The following PANX1 variants were observed in gnomAD, a reference collection of about 807,000 sequenced individuals.
The protein encoded by PANX1 is pannexin-1.
PANX1 carries 30 observed loss-of-function variants against 38.7 expected under a neutral mutation model. That is an observed-to-expected ratio of 0.78 (90% CI 0.58 to 1.05). The LOEUF is 1.05. Ranked by LOEUF, PANX1 falls within the 50% of genes least tolerant of loss-of-function variation. PANX1 has a pLI of 0.00. For synonymous variants in PANX1, 230 were observed against 212.2 expected, an observed-to-expected ratio of 1.08 and a Z score of -0.73; for missense variants, 551 against 517.2, an observed-to-expected ratio of 1.07 and a Z score of -0.63.
At chr11:94,146,806 C>T (rs1342269557) in intron 1 of PANX1, among the ~76,000 whole-genome samples, 9 of 152,182 alleles carry the variant, frequency 5.9e-5, no homozygotes, top group Admixed American at 5.2e-4. Context: ...ATGTGTAGGG[C>T]AGGACTGGAT....
At chr11:94,154,016 C>T (rs1224626024) in intron 2 of PANX1, among the ~76,000 whole-genome samples, 8 of 152,170 alleles carry the variant, frequency 5.3e-5, no homozygotes, top group African/African-American at 1.7e-4. Flanking sequence ...TCAGCTAGCA[C>T]CTTTTCTACC....
chr11:94,150,093 G>A (rs1208673381), intron 1 of PANX1, among the ~76,000 whole-genome samples: 5 of 152,184 alleles, frequency 3.3e-5, no homozygotes, highest in African/African-American at 1.2e-4. Context: ...TGCCTAAGCA[G>A]AGCTTTGAAA....
At chr11:94,141,279 C>T (rs1478947214) in intron 1 of PANX1, among the ~76,000 whole-genome samples, 1 of 152,228 alleles carries the variant, frequency 6.6e-6, no homozygotes, top group East Asian at 1.9e-4. Flanking sequence ...CAACCCCGCC[C>T]TACTTCTTTA....
chr11:94,178,672 G>A, intron 3 of PANX1, 80 bp downstream of exon 3: 1 of 1,106,226 alleles, frequency 9.0e-7, no homozygotes, highest in Non-Finnish European at 1.4e-6. Context: ...TGGGCCCAGA[G>A]TTCTCATTGC....
chr11:94,156,417 G>T lies in PANX1; in HGVS notation c.321+2787G>T, dbSNP rs146630277. On this transcript the variant is annotated intron_variant, in intron 2 of 4. Transcript: ENST00000227638. ...GAGCTCTTGCCAGATTCACAAGGCT[G>T]GGGACAGAAATTGAAGTCAGGACCT... is the stretch of plus-strand genomic sequence containing the variant. Among the ~76,000 whole-genome samples, 5 of 152,304 alleles carry T rather than the reference G, an allele frequency of 3.3e-5. No individual in the cohort carries two copies. The East Asian group carries it at 9.7e-4, about 29-fold the overall frequency.
chr11:94,141,428 C>T lies in PANX1; in HGVS notation c.181+11935C>T, dbSNP rs373988195. 2.8e-3 allele frequency among the ~76,000 whole-genome samples: 431 copies of T among 152,236 alleles called. 4 individuals are homozygous for T. Among genetic ancestry groups the T allele is most frequent in the South Asian group, 0.013 (61 of 4,822 alleles). On this transcript the variant is annotated intron_variant, in intron 1 of 4. Transcript: ENST00000227638. ...TTTCTGGGCTCACTGTGACACTTGG[C>T]GGTGTCTGGTGACTGCCCCCTCCCT...
intron 2 of PANX1, among the ~76,000 whole-genome samples, chr11:94,154,980 C>T (rs1946931371): frequency 1.3e-5 from 2 of 152,066 alleles, no homozygotes; most frequent in Non-Finnish European, 2.9e-5. Flanking sequence ...GTGAGGTGGG[C>T]GGATCACCTG....
In PANX1 at chr11:94,159,063, G is replaced by A. The variant is rs897301081; in HGVS notation, c.321+5433G>A. On this transcript the variant is annotated intron_variant, in intron 2 of 4. Transcript: ENST00000227638. ...TGCTGGATTACATTTATTGATTTGC[G>A]TATGTTGAACCAGCCTTGCATCCCA... 1.6e-4 allele frequency among the ~76,000 whole-genome samples: 24 copies of A among 152,288 alleles called. 1 individual carries two copies. Among genetic ancestry groups the A allele is most frequent in the African/African-American group, 3.1e-4 (13 of 41,552 alleles).
intron 1 of PANX1, among the ~76,000 whole-genome samples, chr11:94,138,093 C>G (rs2134477607): frequency 6.6e-6 from 1 of 152,022 alleles, no homozygotes; most frequent in African/African-American, 2.4e-5. Flanking sequence ...ATTACAAGGT[C>G]AAAGTATACA....
chr11:94,134,146 A>G (rs1946661361), intron 1 of PANX1, among the ~76,000 whole-genome samples: 1 of 152,188 alleles, frequency 6.6e-6, no homozygotes, highest in Non-Finnish European at 1.5e-5. Context: ...GTGATGAGGA[A>G]GAATCTGTGT....
Position 94,180,935 on chromosome 11 carries a change from C to T in PANX1, c.*66C>T, listed in dbSNP as rs2134530678. 2 of 919,420 alleles carry T rather than the reference C, an allele frequency of 2.2e-6. No individual in the cohort carries two copies. Among genetic ancestry groups the T allele is most frequent in the Non-Finnish European group, 3.6e-6 (2 of 550,092 alleles). 57.0% of individuals were successfully genotyped at this position (919,420 alleles called of 1,614,324 possible). On this transcript the variant is annotated 3_prime_UTR_variant, in exon 5 of 5. Transcript: ENST00000227638. ...CATGGGATTTAATTTGGCTAAAGCA[C>T]CCCTGTTGGTTTCACAGCTGGTTTG...
chr11:94,144,369 A>G (rs773236379), intron 1 of PANX1, among the ~76,000 whole-genome samples: 12 of 151,952 alleles, frequency 7.9e-5, no homozygotes, highest in Non-Finnish European at 1.2e-4. Flanking sequence ...CTGTTGTGAC[A>G]TTTTTGATGA....
At chr11:94,136,225 A>G (rs77086430) in intron 1 of PANX1, among the ~76,000 whole-genome samples, 3 of 152,082 alleles carry the variant, frequency 2.0e-5, no homozygotes, top group Admixed American at 6.5e-5. Context: ...CCTGTACACT[A>G]TCCAGCTCTG....
chr11:94,180,008 C>T lies in PANX1; in HGVS notation c.952C>T (p.Leu318=). 1 of 1,597,316 alleles carries T rather than the reference C, an allele frequency of 6.3e-7. No homozygotes were observed. Among genetic ancestry groups the T allele is most frequent in the Middle Eastern group, 1.7e-4 (1 of 5,998 alleles). The change falls in exon 4 of 5, where the codon CTG becomes TTG. Residue 318 remains leucine, a synonymous_variant. Transcript: ENST00000227638. ...CGAAATCCTCCCCACTTTTGATGTT[C>T]TGCATTTCAAATCTGAAGGGTACAA... The part of the protein sequence containing the change: ...VYEILPTFDV[L]HFKSEGYNDL...
Position 94,129,226 on chromosome 11 carries a change from C to G in PANX1, c.-87C>G. 8.4e-7 allele frequency: 1 copy of G among 1,195,470 alleles called. No homozygotes were observed. The highest frequency in any genetic ancestry group is 1.2e-6 in the Non-Finnish European group (1 of 858,378). The allele number at this position is 1,195,470 out of a possible 1,614,324, so 74.1% of individuals were successfully genotyped here. A position where few individuals can be genotyped will look rare whatever the true frequency, so the allele number is the denominator to read the frequency against. On this transcript the variant is annotated 5_prime_UTR_variant, in exon 1 of 5. Transcript: ENST00000227638. Reference sequence around the variant, plus strand: ...AAAGGGAAAGCGAAAGCCGCGCGCCCGGCCGGTGACTGGGTGAAGGCGCCG... The same window carrying G: ...AAAGGGAAAGCGAAAGCCGCGCGCCGGGCCGGTGACTGGGTGAAGGCGCCG...
In PANX1 at chr11:94,181,789, C is replaced by T. The variant is rs940707515; in HGVS notation, c.*920C>T. ...GATCAGGGCACATAAGTGACATTGGCATGCTTCATATGGCGTGCTTGGAGC... is the reference window on the plus strand; with the variant it reads ...GATCAGGGCACATAAGTGACATTGGTATGCTTCATATGGCGTGCTTGGAGC... On this transcript the variant is annotated 3_prime_UTR_variant, in exon 5 of 5. Coordinates refer to ENST00000227638, the MANE Select transcript of PANX1 (RefSeq NM_015368.4). The T allele has an allele frequency of 6.6e-6, 1 of 152,180 alleles. No homozygotes were observed. Among genetic ancestry groups the T allele is most frequent in the Non-Finnish European group, 1.5e-5 (1 of 68,034 alleles). The allele number at this position is 152,180 out of a possible 1,614,324, so 9.4% of individuals were successfully genotyped here. A position where few individuals can be genotyped will look rare whatever the true frequency, so the allele number is the denominator to read the frequency against.
At chr11:94,160,026 A>G (rs1030402126) in intron 2 of PANX1, among the ~76,000 whole-genome samples, 3 of 151,990 alleles carry the variant, frequency 2.0e-5, no homozygotes, top group Admixed American at 2.0e-4. Flanking sequence ...GTTTCCATGT[A>G]GTTGAGCAGT....
chr11:94,169,301 C>T (rs1591522971), intron 2 of PANX1, among the ~76,000 whole-genome samples: 1 of 151,454 alleles, frequency 6.6e-6, no homozygotes, highest in South Asian at 2.1e-4. Context: ...GAAAGTTAAA[C>T]AGTGTGCTGT....
intron 2 of PANX1, among the ~76,000 whole-genome samples, chr11:94,168,704 G>A (rs1240909314): frequency 1.3e-5 from 2 of 151,626 alleles, no homozygotes; most frequent in African/African-American, 4.9e-5. Flanking sequence ...CAGCTACTTA[G>A]TTCTGCAGAG....
Sources: allele counts gnomAD v4.1 joint callset (sites outside exome capture counted in the v4.1 genomes callset), GRCh38; gene constraint gnomAD v4.1.1; transcripts MANE v1.5; gene names NCBI Gene and HGNC (gene_info 2026-07-23, HGNC 2026-07-21).